The following LRRIQ1 variants were observed in gnomAD, a reference collection of about 807,000 sequenced individuals.
LRRIQ1 encodes the protein leucine-rich repeat- and IQ domain-containing protein 1.
Under a neutral mutation model 211.9 loss-of-function variants are expected in LRRIQ1, and 210 were observed. That is an observed-to-expected ratio of 0.99 (90% CI 0.89 to 1.11). The LOEUF (loss-of-function observed/expected upper bound fraction) is 1.11. LRRIQ1 is among the 50% of genes most tolerant of loss of function. LRRIQ1 has a pLI of 0.00. For missense variants in LRRIQ1, 2,136 were observed against 1,939.5 expected (o/e 1.10, Z -1.90); for synonymous variants, 699 against 650.1 (o/e 1.08, Z -1.14).
intron 26 of LRRIQ1, among the ~76,000 whole-genome samples, chr12:85,244,394 A>G (rs1364864323): frequency 6.6e-6 from 1 of 151,638 alleles, no homozygotes; most frequent in Non-Finnish European, 1.5e-5. Context: ...TATAAGTGGC[A>G]ACATATAATT....
intron 15 of LRRIQ1, 53 bp from the exon 16 acceptor site, chr12:85,121,644 C>T (rs1212670180): frequency 1.5e-6 from 2 of 1,327,118 alleles, no homozygotes; most frequent in Non-Finnish European, 2.0e-6. Context: ...TATTTAGATA[C>T]ATACTCTCCT....
At chr12:85,099,208 G>T (rs1472736735) in intron 13 of LRRIQ1, among the ~76,000 whole-genome samples, 1 of 151,634 alleles carries the variant, frequency 6.6e-6, no homozygotes, top group Non-Finnish European at 1.5e-5. Context: ...AATTTTAATT[G>T]TCCATTTATC....
chr12:85,066,833 A>T lies in LRRIQ1; in HGVS notation c.2630A>T (p.His877Leu). Residue 877 changes from histidine to leucine, a missense_variant, in exon 10 of 27, where the codon CAT becomes CTT. Transcript: ENST00000393217. ...AATAAAAATCAACTGACTTCTCTTC[A>T]TGGTTTGGATGGCTGTACTAATATT... is the stretch of plus-strand genomic sequence containing the variant. ...LLNKNQLTSL[H>L]GLDGCTNIQC... 1 of 1,593,276 alleles carries T rather than the reference A, an allele frequency of 6.3e-7. No individual in the cohort carries two copies.
intron 26 of LRRIQ1, 177 bp downstream of exon 26, chr12:85,232,933 T>A (rs1895015218): frequency 5.8e-6 from 3 of 519,716 alleles, no homozygotes; most frequent in Admixed American, 3.9e-5. Context: ...TGTAATACAA[T>A]TTAAAATGTG....
intron 24 of LRRIQ1, among the ~76,000 whole-genome samples, chr12:85,181,248 A>T (rs558145996): frequency 6.6e-6 from 1 of 151,994 alleles, no homozygotes; most frequent in East Asian, 1.9e-4. Flanking sequence ...TTTCATTCAG[A>T]TGTTGATATA....
At chr12:85,193,233 G>C (rs1319202234) in intron 24 of LRRIQ1, among the ~76,000 whole-genome samples, 1 of 127,662 alleles carries the variant, frequency 7.8e-6, no homozygotes, top group Non-Finnish European at 1.6e-5. Flanking sequence ...ATGGAACCAA[G>C]TTGGAAAACA....
chr12:85,094,337 A>G (rs1180031921), intron 11 of LRRIQ1, among the ~76,000 whole-genome samples: 2 of 152,250 alleles, frequency 1.3e-5, no homozygotes, highest in Admixed American at 6.5e-5. Context: ...TTTATTATAT[A>G]CTAAAATGTA....
chr12:85,193,743 A>G (rs1376065087), intron 24 of LRRIQ1, among the ~76,000 whole-genome samples: 1 of 151,634 alleles, frequency 6.6e-6, no homozygotes, highest in Non-Finnish European at 1.5e-5. Context: ...GACCATCGAG[A>G]CTAGGAAGAA....
intron 15 of LRRIQ1, 70 bp downstream of exon 15, chr12:85,106,685 G>C: frequency 9.6e-7 from 1 of 1,042,850 alleles, no homozygotes; most frequent in East Asian, 2.4e-5. Context: ...GATAAAAATT[G>C]TCCTGTGAAT....
Position 85,220,576 on chromosome 12 carries a change from T to C in LRRIQ1, c.4823-8941T>C, listed in dbSNP as rs960368520. Among the ~76,000 whole-genome samples the C allele has an allele frequency of 2.0e-5, 3 of 151,594 alleles. No homozygotes were observed. In the East Asian group the frequency reaches 5.8e-4, roughly 29 times the overall value. On this transcript the variant is annotated intron_variant, in intron 24 of 26. Transcript: ENST00000393217. ...ATATTTCAAACATTTTATAAAGTAATTTTATATGAATGAGTAGTGTTTCTT... is the reference window on the plus strand; with the variant it reads ...ATATTTCAAACATTTTATAAAGTAACTTTATATGAATGAGTAGTGTTTCTT...
At chr12:85,139,430 T>C (rs953684353) in intron 19 of LRRIQ1, among the ~76,000 whole-genome samples, 1 of 151,444 alleles carries the variant, frequency 6.6e-6, no homozygotes, top group Non-Finnish European at 1.5e-5. Flanking sequence ...GAAAATGAAA[T>C]GGAAGTAATA....
In LRRIQ1 at chr12:85,174,185, G is replaced by T. The variant is rs76511457; in HGVS notation, c.4822+13471G>T. Among the ~76,000 whole-genome samples the T allele has an allele frequency of 0.018, 2,707 of 151,812 alleles. 142 individuals carry two copies. The East Asian group carries it at 0.2, about 11-fold the overall frequency. On this transcript the variant is annotated intron_variant, in intron 24 of 26. Coordinates refer to ENST00000393217, the MANE Select transcript of LRRIQ1 (RefSeq NM_001079910.2). ...TAATATTTTAATAGACATAAAAAAG[G>T]GTATGCCCATGAAATAGAATGAGAT...
intron 21 of LRRIQ1, among the ~76,000 whole-genome samples, chr12:85,153,449 T>A (rs1890359017): frequency 6.6e-6 from 1 of 151,484 alleles, no homozygotes; most frequent in Non-Finnish European, 1.5e-5. Flanking sequence ...TCCAGTGCTA[T>A]GTTACTTTTC....
chr12:85,244,286 A>G (rs1895612167), intron 26 of LRRIQ1, among the ~76,000 whole-genome samples: 1 of 151,484 alleles, frequency 6.6e-6, no homozygotes, highest in Non-Finnish European at 1.5e-5. Context: ...TATATTGATA[A>G]TGGCTTTAAT....
chr12:85,267,111 T>A (rs1407153021), downstream of LRRIQ1, among the ~76,000 whole-genome samples: 1 of 152,072 alleles, frequency 6.6e-6, no homozygotes, highest in Non-Finnish European at 1.5e-5. Flanking sequence ...GTCTGAAAAG[T>A]AATTTTCTCC....
chr12:85,220,152 G>T (rs1182234804), intron 24 of LRRIQ1, among the ~76,000 whole-genome samples: 4 of 152,088 alleles, frequency 2.6e-5, no homozygotes, highest in African/African-American at 9.7e-5. Flanking sequence ...GCATGAAGAA[G>T]TGTTTTTCTG....
chr12:85,180,589 C>A (rs1267746800), intron 24 of LRRIQ1, among the ~76,000 whole-genome samples: 1 of 151,802 alleles, frequency 6.6e-6, no homozygotes, highest in Non-Finnish European at 1.5e-5. Context: ...TTAATTAACC[C>A]CATACATTTC....
intron 24 of LRRIQ1, among the ~76,000 whole-genome samples, chr12:85,167,346 C>G (rs1031345275): frequency 6.6e-6 from 1 of 152,038 alleles, no homozygotes. Flanking sequence ...AGTGAAGCCC[C>G]ACAATAGGCC....
At chr12:85,058,093 AAC>A (rs1224985813) in intron 8 of LRRIQ1, among the ~76,000 whole-genome samples, 2 of 152,054 alleles carry the variant, frequency 1.3e-5, no homozygotes, top group East Asian at 3.9e-4. Flanking sequence ...ACGGAGCTTA[AAC>A]ACACATAAAT....
Sources: allele counts gnomAD v4.1 joint callset (sites outside exome capture counted in the v4.1 genomes callset), GRCh38; gene constraint gnomAD v4.1.1; transcripts MANE v1.5; gene names NCBI Gene and HGNC (gene_info 2026-07-23, HGNC 2026-07-21).